The following CDH13 variants were observed in gnomAD, a reference collection of about 807,000 sequenced individuals.
CDH13 encodes the protein cadherin-13.
A neutral mutation model predicts 63.8 loss-of-function variants in CDH13; 24 were observed. The observed-to-expected ratio is 0.38, with a 90% confidence interval of 0.27 to 0.53. CDH13 has a LOEUF of 0.53. Ranked by LOEUF, CDH13 falls within the 20% of genes least tolerant of loss-of-function variation. The pLI, the probability that CDH13 is intolerant of heterozygous loss-of-function variation, is 0.85. For missense variants in CDH13, 1,049 were observed against 903.1 expected, an observed-to-expected ratio of 1.16 and a Z score of -2.07; for synonymous variants, 503 against 355.3, an observed-to-expected ratio of 1.42 and a Z score of -4.67.
At chr16:83,056,044 T>C (rs2030894799) in intron 3 of CDH13, among the ~76,000 whole-genome samples, 1 of 152,102 alleles carries the variant, frequency 6.6e-6, no homozygotes, top group South Asian at 2.1e-4. Context: ...ATGGAGGAAA[T>C]ATTTAACAGG....
intron 1 of CDH13, among the ~76,000 whole-genome samples, chr16:82,649,700 G>C (rs1049894434): frequency 1.1e-4 from 16 of 152,110 alleles, no homozygotes; most frequent in African/African-American, 3.6e-4. Flanking sequence ...AAAAATGATG[G>C]GGAAGGGAGA....
chr16:83,244,060 T>G (rs879642005), intron 5 of CDH13, among the ~76,000 whole-genome samples: 8 of 152,066 alleles, frequency 5.3e-5, no homozygotes, highest in Non-Finnish European at 7.4e-5. Context: ...CCACCAAAAT[T>G]AGAAACATAC....
chr16:83,535,620 A>G (rs1263839198), intron 7 of CDH13, among the ~76,000 whole-genome samples: 1 of 152,196 alleles, frequency 6.6e-6, no homozygotes, highest in Non-Finnish European at 1.5e-5. Context: ...GGTGTTATGC[A>G]TGGTGCTGGG....
Position 82,686,577 on chromosome 16 carries a change from C to T in CDH13, c.45+59440C>T, listed in dbSNP as rs116525038. ...GCTCACTGACTATGGAAGATGAGTCCATTATTTAATCACTCTGGCCTTCGG... is the reference window on the plus strand; with the variant it reads ...GCTCACTGACTATGGAAGATGAGTCTATTATTTAATCACTCTGGCCTTCGG... On this transcript the variant is annotated intron_variant, in intron 1 of 13. Transcript: ENST00000567109. 5.2e-3 allele frequency among the ~76,000 whole-genome samples: 791 copies of T among 152,310 alleles called. 7 individuals are homozygous for T. The highest frequency in any genetic ancestry group is 0.017 in the African/African-American group (691 of 41,568).
chr16:83,164,971 C>G (rs1432309713), intron 4 of CDH13, among the ~76,000 whole-genome samples: 1 of 151,222 alleles, frequency 6.6e-6, no homozygotes, highest in Non-Finnish European at 1.5e-5. Context: ...GAACTGGAGA[C>G]AATCCAGGCA....
chr16:83,246,666 C>A (rs7192370), intron 5 of CDH13, among the ~76,000 whole-genome samples: 22,124 of 152,150 alleles, frequency 0.15, 1,650 homozygotes, highest in Middle Eastern at 0.2. Flanking sequence ...TTGTCATTCA[C>A]TTGAACGGGT....
intron 5 of CDH13, among the ~76,000 whole-genome samples, chr16:83,253,114 C>T (rs1328580766): frequency 6.6e-6 from 1 of 152,050 alleles, no homozygotes; most frequent in African/African-American, 2.4e-5. Context: ...TGGTGGTGTC[C>T]TCCTCAAAGT....
At chr16:83,154,002 C>T (rs568164220) in intron 4 of CDH13, among the ~76,000 whole-genome samples, 13 of 152,216 alleles carry the variant, frequency 8.5e-5, no homozygotes, top group South Asian at 2.1e-4. Flanking sequence ...TTCAAAAATA[C>T]GTATTCCTTC....
At chr16:82,682,021 G>A (rs890367939) in intron 1 of CDH13, among the ~76,000 whole-genome samples, 1 of 152,150 alleles carries the variant, frequency 6.6e-6, no homozygotes, top group Non-Finnish European at 1.5e-5. Flanking sequence ...ATCAGGTGGG[G>A]CTCTCAAGCC....
intron 1 of CDH13, among the ~76,000 whole-genome samples, chr16:82,709,234 A>G (rs964255683): frequency 6.6e-6 from 1 of 152,222 alleles, no homozygotes; most frequent in South Asian, 2.1e-4. Flanking sequence ...CCCACTTTAC[A>G]TGGACATTAT....
At chr16:83,443,513 C>T (rs966398209) in intron 6 of CDH13, among the ~76,000 whole-genome samples, 2 of 151,740 alleles carry the variant, frequency 1.3e-5, no homozygotes, top group South Asian at 2.1e-4. Context: ...TTCTGAAGTA[C>T]TAAAAGCAGA....
At chr16:82,747,206 G>C (rs1013644360) in intron 1 of CDH13, among the ~76,000 whole-genome samples, 19 of 152,164 alleles carry the variant, frequency 1.2e-4, no homozygotes, top group Admixed American at 7.9e-4. Flanking sequence ...AAAAACTGTG[G>C]TCCGTAGATC....
rs192434576 is a variant in CDH13 at position 83,065,438 on chromosome 16, C to T, written c.366+33220C>T. ...ACCACTTCCAGGCTGGGCGTGGTGGCTCGTGCCTGTAATCCCAACACTTTG... is the reference window on the plus strand; with the variant it reads ...ACCACTTCCAGGCTGGGCGTGGTGGTTCGTGCCTGTAATCCCAACACTTTG... On this transcript the variant is annotated intron_variant, in intron 3 of 13. Coordinates refer to ENST00000567109, the MANE Select transcript of CDH13 (RefSeq NM_001257.5). Among the ~76,000 whole-genome samples, 71 of 152,238 alleles carry T rather than the reference C, an allele frequency of 4.7e-4. 1 individual carries two copies. In the East Asian group the frequency reaches 0.012, roughly 26 times the overall value.
intron 7 of CDH13, among the ~76,000 whole-genome samples, chr16:83,491,201 A>T (rs1293881353): frequency 6.6e-6 from 1 of 152,222 alleles, no homozygotes; most frequent in Non-Finnish European, 1.5e-5. Flanking sequence ...TTTAAGAAAT[A>T]GTGTCTTGGT....
At chr16:83,091,930 C>T (rs1407246974) in intron 3 of CDH13, among the ~76,000 whole-genome samples, 1 of 152,184 alleles carries the variant, frequency 6.6e-6, no homozygotes, top group Non-Finnish European at 1.5e-5. Context: ...CACCTGTGTG[C>T]CTATAAATAT....
At chr16:83,170,478 G>A (rs895922138) in intron 4 of CDH13, among the ~76,000 whole-genome samples, 1 of 152,102 alleles carries the variant, frequency 6.6e-6, no homozygotes, top group African/African-American at 2.4e-5. Context: ...GTTTCATGAG[G>A]CAAAGCGTGA....
rs138015984 is a variant in CDH13 at position 83,425,618 on chromosome 16, C to T, written c.782-60859C>T. ...CTTCCACTGTTGCCTTTGGAGCTTT[C>T]ACTTTATCCTAAACTTCTTTATGTC... is the stretch of plus-strand genomic sequence containing the variant. On this transcript the variant is annotated intron_variant, in intron 6 of 13. Transcript: ENST00000567109. Among the ~76,000 whole-genome samples the T allele has an allele frequency of 3.4e-3, 516 of 152,354 alleles. 4 individuals are homozygous for T. The highest frequency in any genetic ancestry group is 0.011 in the African/African-American group (476 of 41,582).
intron 5 of CDH13, among the ~76,000 whole-genome samples, chr16:83,229,772 G>A (rs1202994571): frequency 2.0e-5 from 3 of 152,106 alleles, no homozygotes; most frequent in South Asian, 4.2e-4. Flanking sequence ...GCAGGCCCAC[G>A]ATGAGGGACT....
At chr16:83,310,404 A>C (rs1290590125) in intron 5 of CDH13, among the ~76,000 whole-genome samples, 1 of 152,240 alleles carries the variant, frequency 6.6e-6, no homozygotes, top group East Asian at 1.9e-4. Context: ...GTGTGGGTAC[A>C]TGTGTGCACA....
Sources: gnomAD v4.1 joint callset for allele counts (sites outside exome capture counted in the v4.1 genomes callset) on GRCh38, gnomAD v4.1.1 for gene constraint, MANE v1.5 for transcripts, NCBI Gene and HGNC (gene_info 2026-07-23, HGNC 2026-07-21) for gene names.